Variants in VPS37A observed in about 807,000 individuals in gnomAD.
VPS37A encodes vacuolar protein sorting-associated protein 37A.
In VPS37A, 30 loss-of-function variants were observed where a neutral mutation model predicts 49.8. That is an observed-to-expected ratio of 0.60 (90% CI 0.45 to 0.82). VPS37A has a LOEUF of 0.82. VPS37A is among the 40% of genes least tolerant of loss of function. VPS37A has a pLI of 0.00. For missense variants in VPS37A, 593 were observed against 464.4 expected, an observed-to-expected ratio of 1.28 and a Z score of -2.55; for synonymous variants, 195 against 160.6, an observed-to-expected ratio of 1.21 and a Z score of -1.62.
At chr8:17,248,323 G>A in intron 1 of VPS37A, 1 of 451,270 alleles carries the variant, frequency 2.2e-6, no homozygotes, top group South Asian at 1.6e-5. Context: ...GGAGCGCAGT[G>A]GCGCGATCTC....
At chr8:17,281,506 T>A (rs570946122) in intron 9 of VPS37A, among the ~76,000 whole-genome samples, 1 of 152,098 alleles carries the variant, frequency 6.6e-6, no homozygotes, top group African/African-American at 2.4e-5. Flanking sequence ...AATTTCTTAT[T>A]TGAAAAAGAA....
chr8:17,291,734 C>T (rs977127299), intron 11 of VPS37A, among the ~76,000 whole-genome samples: 2 of 152,064 alleles, frequency 1.3e-5, no homozygotes, highest in African/African-American at 2.4e-5. Context: ...TCATTATTTA[C>T]CAAGTAGTCA....
At chr8:17,320,298 A>C in the VPS37A span, among the ~76,000 whole-genome samples, 1 of 152,194 alleles carries the variant, frequency 6.6e-6, no homozygotes, top group Non-Finnish European at 1.5e-5. Flanking sequence ...AAAAGTCTTC[A>C]AACATTTTTG....
chr8:17,285,774 C>A (rs116456580), intron 10 of VPS37A, among the ~76,000 whole-genome samples: 2,165 of 152,246 alleles, frequency 0.014, 39 homozygotes, highest in African/African-American at 0.048. Flanking sequence ...TGTTAATCTT[C>A]CTGCTTAACA....
intron 10 of VPS37A, 75 bp downstream of exon 10, chr8:17,284,691 G>A (rs2150411470): frequency 2.7e-6 from 4 of 1,468,830 alleles, no homozygotes; most frequent in Non-Finnish European, 3.6e-6. Context: ...GAAGCACTGG[G>A]TGTTAGCTAT....
chr8:17,285,131 A>T (rs1019310339), intron 10 of VPS37A, among the ~76,000 whole-genome samples: 3 of 152,170 alleles, frequency 2.0e-5, no homozygotes, highest in Non-Finnish European at 4.4e-5. Flanking sequence ...ACATTACTGA[A>T]CTGGAGTTTT....
intron 3 of VPS37A, 35 bp downstream of exon 3, chr8:17,268,407 T>C (rs1413096321): frequency 1.4e-6 from 2 of 1,391,136 alleles, no homozygotes; most frequent in South Asian, 2.5e-5. Flanking sequence ...CAGGGTAATA[T>C]AATAGGTGTA....
chr8:17,256,926 G>A (rs1354315661), intron 1 of VPS37A, among the ~76,000 whole-genome samples: 1 of 152,040 alleles, frequency 6.6e-6, no homozygotes, highest in Non-Finnish European at 1.5e-5. Flanking sequence ...TAGGTTTTTA[G>A]CTTGATGTAA....
intron 3 of VPS37A, 123 bp downstream of exon 3, chr8:17,268,495 T>C: frequency 2.7e-6 from 2 of 729,468 alleles, no homozygotes; most frequent in Non-Finnish European, 2.2e-6. Flanking sequence ...TTTTTAAAAA[T>C]TGAATATTTA....
At chr8:17,310,361 T>A in the VPS37A span, among the ~76,000 whole-genome samples, 1 of 152,128 alleles carries the variant, frequency 6.6e-6, no homozygotes, top group Non-Finnish European at 1.5e-5. Context: ...CCCCAATGCT[T>A]TAAAGTGGCC....
At position 17,279,955 on chromosome 8, in the gene VPS37A, A is replaced by G. The variant is rs17124302; in HGVS notation, c.714-73A>G. ...CCCTATCAGTTAACTAAAGCTGAAA[A>G]ATTGTAAATAGTTGTCATGGAGAAA... On this transcript the variant is annotated intron_variant, in intron 6 of 11. Coordinates refer to ENST00000324849, the MANE Select transcript of VPS37A (RefSeq NM_152415.3). The G allele has an allele frequency of 3.7e-3, 5,901 of 1,597,788 alleles. 171 individuals carry two copies. The African/African-American group carries it at 0.067, about 18-fold the overall frequency.
chr8:17,274,744 A>G lies in VPS37A; in HGVS notation c.428A>G (p.Asn143Ser), dbSNP rs1440656867. The change falls in exon 5 of 12, where the codon AAC (asparagine) becomes AGC (serine). Residue 143 changes from asparagine to serine, a missense_variant. By Grantham distance (46) the Asn-to-Ser change is conservative. Coordinates refer to ENST00000324849, the MANE Select transcript of VPS37A (RefSeq NM_152415.3). ...CTTTTTCTTTTCAGTCTATACAGTAACCCAAGTGGGATGTCTCCTTATGCT... is the reference window on the plus strand; with the variant it reads ...CTTTTTCTTTTCAGTCTATACAGTAGCCCAAGTGGGATGTCTCCTTATGCT... Reference protein sequence around the residue: ...TSTAFPYLYSNPSGMSPYASQ... With the variant: ...TSTAFPYLYSSPSGMSPYASQ... The G allele has an allele frequency of 4.3e-6, 7 of 1,613,636 alleles. 1 individual carries two copies. The Middle Eastern group carries it at 4.9e-4, about 114-fold the overall frequency.
intron 1 of VPS37A, chr8:17,248,120 A>G: frequency 2.8e-6 from 1 of 359,582 alleles, no homozygotes; most frequent in Non-Finnish European, 5.3e-6. Context: ...GCAGCCTTTT[A>G]CATTGCAAAT....
At chr8:17,318,955 G>C in the VPS37A span, among the ~76,000 whole-genome samples, 1 of 152,216 alleles carries the variant, frequency 6.6e-6, no homozygotes, top group East Asian at 1.9e-4. Context: ...TCATTGTCCT[G>C]CTTCCCTGAT....
chr8:17,267,869 G>A (rs372741457), intron 2 of VPS37A, among the ~76,000 whole-genome samples: 1 of 152,044 alleles, frequency 6.6e-6, no homozygotes, highest in African/African-American at 2.4e-5. Flanking sequence ...AAAATTATAT[G>A]GCTAGAACCT....
chr8:17,302,320 C>G (rs556144960), downstream of VPS37A: 1 of 1,580,086 alleles, frequency 6.3e-7, no homozygotes, highest in Non-Finnish European at 8.6e-7. Context: ...CACCTTATCA[C>G]AGTCTGAAAA....
At chr8:17,315,634 G>T in the VPS37A span, among the ~76,000 whole-genome samples, 26 of 151,916 alleles carry the variant, frequency 1.7e-4, no homozygotes, top group African/African-American at 5.8e-4. Context: ...CTCTTAAAAA[G>T]AAAAAGTCTT....
downstream of VPS37A, chr8:17,300,269 T>C (rs759630780): frequency 1.3e-6 from 2 of 1,547,930 alleles, no homozygotes; most frequent in South Asian, 1.2e-5. Flanking sequence ...ATAAATAACT[T>C]ATCTTTTTCT....
chr8:17,294,565 C>T (rs1178443657), intron 11 of VPS37A, among the ~76,000 whole-genome samples: 1 of 152,162 alleles, frequency 6.6e-6, no homozygotes, highest in Non-Finnish European at 1.5e-5. Flanking sequence ...AACCCGGGCC[C>T]CTGGTGGTGT....
Sources: allele counts gnomAD v4.1 joint callset (sites outside exome capture counted in the v4.1 genomes callset), GRCh38; gene constraint gnomAD v4.1.1; transcripts MANE v1.5; gene names NCBI Gene and HGNC (gene_info 2026-07-23, HGNC 2026-07-21).